The following MED13L variants were observed in gnomAD, a reference collection of about 807,000 sequenced individuals.
MED13L encodes mediator complex subunit 13L, also known as mediator of RNA polymerase II transcription subunit 13-like.
MED13L carries 7 observed loss-of-function variants against 220.9 expected under a neutral mutation model. The ratio of observed to expected loss-of-function variants is 0.03; its 90% CI spans 0.02 to 0.06. MED13L has a LOEUF of 0.06. Ranked by LOEUF, MED13L falls within the 10% of genes least tolerant of loss-of-function variation. The pLI, the probability that MED13L is intolerant of heterozygous loss-of-function variation, is 1.00. For synonymous variants in MED13L, 1,011 were observed against 1,015.2 expected, an observed-to-expected ratio of 1.00 and a Z score of 0.08; for missense variants, 1,965 against 2,760.5, an observed-to-expected ratio of 0.71 and a Z score of 6.46.
chr12:116,156,753 C>G (rs941207994), intron 2 of MED13L, among the ~76,000 whole-genome samples: 7 of 152,136 alleles, frequency 4.6e-5, no homozygotes, highest in African/African-American at 1.7e-4. Context: ...GTACGGACTT[C>G]TTATCAGCCC....
chr12:116,161,775 G>A (rs940674076), intron 2 of MED13L, among the ~76,000 whole-genome samples: 1 of 152,100 alleles, frequency 6.6e-6, no homozygotes, highest in Non-Finnish European at 1.5e-5. Flanking sequence ...AATATATATT[G>A]GCTTGAATAT....
At chr12:116,119,796 G>C (rs1314670745) in intron 2 of MED13L, among the ~76,000 whole-genome samples, 6 of 78,308 alleles carry the variant, frequency 7.7e-5, no homozygotes, top group Non-Finnish European at 9.1e-5. Flanking sequence ...AAGAGAGAAA[G>C]ACCCCATATC....
At chr12:116,182,269 G>A (rs1880580386) in intron 2 of MED13L, among the ~76,000 whole-genome samples, 1 of 152,042 alleles carries the variant, frequency 6.6e-6, no homozygotes, top group African/African-American at 2.4e-5. Flanking sequence ...AACTCAAGTG[G>A]GCTCTTGACA....
chr12:116,143,914 G>A (rs1438074231), intron 2 of MED13L, among the ~76,000 whole-genome samples: 3 of 152,124 alleles, frequency 2.0e-5, no homozygotes, highest in African/African-American at 4.8e-5. Context: ...TAAAGGTTAT[G>A]GATTGGCTAA....
chr12:116,111,557 G>T (rs768559936), intron 2 of MED13L, 45 bp from the exon 3 acceptor site: 22 of 1,439,084 alleles, frequency 1.5e-5, no homozygotes, highest in Non-Finnish European at 9.5e-7. Context: ...CAGTAAAAAG[G>T]ACATCCAAAT....
intron 4 of MED13L, among the ~76,000 whole-genome samples, chr12:116,081,954 AT>A (rs1482734970): frequency 1.6e-4 from 25 of 152,146 alleles, no homozygotes; most frequent in South Asian, 4.1e-4. Flanking sequence ...CTATGAATAC[AT>A]TTTTTTTTTA....
rs895637339 is a variant in MED13L, at chr12:115,959,628, T to G, written c.*1638A>C. On this transcript the variant is annotated 3_prime_UTR_variant, in exon 31 of 31. Transcript: ENST00000281928. ...ACTGTACACATTAGATACAAATGGT[T>G]TGATATATCAGATTTTTTATCCTAT... 6.6e-6 allele frequency: 1 copy of G among 152,636 alleles called. No individual in the cohort carries two copies. The highest frequency in any genetic ancestry group is 2.4e-5 in the African/African-American group (1 of 41,464). The allele number at this position is 152,636 out of a possible 1,614,324, so 9.5% of individuals were successfully genotyped here. A position where few individuals can be genotyped will look rare whatever the true frequency, so the allele number is the denominator to read the frequency against.
intron 2 of MED13L, among the ~76,000 whole-genome samples, chr12:116,207,234 C>T (rs776713589): frequency 4.0e-5 from 6 of 151,524 alleles, no homozygotes; most frequent in Non-Finnish European, 5.9e-5. Context: ...CTCATGGGCT[C>T]GAAAGATTCT....
At chr12:116,250,335 T>G (rs911400330) in intron 1 of MED13L, among the ~76,000 whole-genome samples, 1 of 150,972 alleles carries the variant, frequency 6.6e-6, no homozygotes, top group Non-Finnish European at 1.5e-5. Context: ...AGACCTGCAG[T>G]AAAATAAATG....
At chr12:116,243,958 GATGGAACCCTT>G (rs1870870949) in intron 1 of MED13L, among the ~76,000 whole-genome samples, 1 of 152,194 alleles carries the variant, frequency 6.6e-6, no homozygotes. Context: ...TTGTAAATGA[GATGGAACCCTT>G]ATTACCCATC....
In MED13L at chr12:116,035,420, T is replaced by C. The variant is rs375750311; in HGVS notation, c.480-12819A>G. 2.6e-5 allele frequency among the ~76,000 whole-genome samples: 4 copies of C among 152,284 alleles called. No homozygotes were observed. In the East Asian group the frequency reaches 7.7e-4, roughly 29 times the overall value. ...AACTATGCAATCTTTACAATTTCTATAAAGAATGGTTGCAACTCATGGAGC... is the reference window on the plus strand; with the variant it reads ...AACTATGCAATCTTTACAATTTCTACAAAGAATGGTTGCAACTCATGGAGC... On this transcript the variant is annotated intron_variant, in intron 4 of 30. Transcript: ENST00000281928.
chr12:116,198,335 A>G (rs768061977), intron 2 of MED13L, among the ~76,000 whole-genome samples: 10 of 152,064 alleles, frequency 6.6e-5, no homozygotes, highest in Admixed American at 1.3e-4. Context: ...TCCCACACAC[A>G]TATCACATAC....
intron 2 of MED13L, among the ~76,000 whole-genome samples, chr12:116,223,655 G>T (rs548349065): frequency 2.0e-5 from 3 of 152,044 alleles, no homozygotes; most frequent in Non-Finnish European, 4.4e-5. Flanking sequence ...GGTGAGCAGA[G>T]ATCACACCAT....
At chr12:116,041,105 C>G (rs1881497721) in intron 4 of MED13L, among the ~76,000 whole-genome samples, 1 of 152,142 alleles carries the variant, frequency 6.6e-6, no homozygotes, top group Admixed American at 6.6e-5. Flanking sequence ...TGGTTTAGCT[C>G]TGTGTCCCCA....
intron 2 of MED13L, among the ~76,000 whole-genome samples, chr12:116,113,464 C>T (rs957298807): frequency 2.0e-5 from 3 of 148,480 alleles, no homozygotes; most frequent in African/African-American, 7.4e-5. Flanking sequence ...CAGCCAGTCC[C>T]CATCTCTACA....
At chr12:116,045,028 C>T (rs563066634) in intron 4 of MED13L, among the ~76,000 whole-genome samples, 1 of 152,220 alleles carries the variant, frequency 6.6e-6, no homozygotes, top group Non-Finnish European at 1.5e-5. Context: ...CAGATAACTA[C>T]AAAACACACA....
At chr12:116,035,861 GCCACCATAC>G (rs1328914263) in intron 4 of MED13L, among the ~76,000 whole-genome samples, 1 of 152,084 alleles carries the variant, frequency 6.6e-6, no homozygotes, top group Non-Finnish European at 1.5e-5. Flanking sequence ...ACAGACCTGA[GCCACCATAC>G]CCAGCCAAAA....
At chr12:116,169,855 T>C (rs1339675610) in intron 2 of MED13L, among the ~76,000 whole-genome samples, 1 of 152,098 alleles carries the variant, frequency 6.6e-6, no homozygotes, top group Admixed American at 6.6e-5. Context: ...ACAAAAATCT[T>C]TTTTAACAAA....
intron 14 of MED13L, among the ~76,000 whole-genome samples, chr12:115,998,498 G>C (rs1030478583): frequency 6.6e-6 from 1 of 152,200 alleles, no homozygotes; most frequent in South Asian, 2.1e-4. Context: ...GCTGTGGTCA[G>C]GTCACTTCCC....
Sources: allele counts gnomAD v4.1 joint callset (sites outside exome capture counted in the v4.1 genomes callset), GRCh38; gene constraint gnomAD v4.1.1; transcripts MANE v1.5; gene names NCBI Gene and HGNC (gene_info 2026-07-23, HGNC 2026-07-21).